Variants in KLRG1 observed in about 807,000 individuals in gnomAD.
KLRG1 encodes the protein killer cell lectin-like receptor subfamily G member 1.
A neutral mutation model predicts 21.8 loss-of-function variants in KLRG1; 16 were observed. That is an observed-to-expected ratio of 0.73 (90% confidence interval 0.50 to 1.11). The LOEUF is 1.11. Ranked by LOEUF, KLRG1 falls within the 50% of genes most tolerant of loss-of-function variation. The probability of loss-of-function intolerance (pLI) is 0.00; values close to 1 mark genes in which losing one functional copy is unlikely to be tolerated. For missense variants in KLRG1, 173 were observed against 218.3 expected, an observed-to-expected ratio of 0.79 and a Z score of 1.31; for synonymous variants, 69 against 75.9, an observed-to-expected ratio of 0.91 and a Z score of 0.47.
the KLRG1 span, chr12:9,072,232 A>G: frequency 1.8e-6 from 2 of 1,098,240 alleles, no homozygotes; most frequent in Non-Finnish European, 2.6e-6. Flanking sequence ...TCAACTTAAG[A>G]GAATACATTG....
chr12:9,115,704 A>T, the KLRG1 span: 2 of 1,296,376 alleles, frequency 1.5e-6, no homozygotes, highest in Non-Finnish European at 2.2e-6. Flanking sequence ...ATATAAAGAA[A>T]AATCTGCAAT....
the KLRG1 span, chr12:9,037,322 AAAG>A: frequency 6.5e-6 from 1 of 152,724 alleles, no homozygotes; most frequent in Admixed American, 6.5e-5. Flanking sequence ...CTCTTCCCAC[AAAG>A]AAGGTGATCA....
the KLRG1 span, among the ~76,000 whole-genome samples, chr12:9,119,196 T>C: frequency 6.6e-6 from 1 of 152,360 alleles, no homozygotes; most frequent in South Asian, 2.1e-4. Flanking sequence ...AATTTTATAA[T>C]GTATTGATTC....
chr12:9,108,713 C>A, the KLRG1 span, among the ~76,000 whole-genome samples: 1 of 152,104 alleles, frequency 6.6e-6, no homozygotes, highest in Admixed American at 6.6e-5. Flanking sequence ...AACATAAGAT[C>A]CAGGAAACAA....
chr12:9,201,144 T>C, the KLRG1 span: 1 of 1,514,244 alleles, frequency 6.6e-7, no homozygotes, highest in South Asian at 1.2e-5. Context: ...AGGTGATAAT[T>C]AGCATTGCCT....
At chr12:8,997,803 T>C (rs1355745119) in intron 3 of KLRG1, among the ~76,000 whole-genome samples, 1 of 152,110 alleles carries the variant, frequency 6.6e-6, no homozygotes, top group African/African-American at 2.4e-5. Flanking sequence ...TTTTTCTTTT[T>C]GAGATGGAGT....
chr12:8,972,996 C>T (rs1202922889), intron 1 of KLRG1, among the ~76,000 whole-genome samples: 2 of 151,540 alleles, frequency 1.3e-5, no homozygotes, highest in African/African-American at 2.4e-5. Context: ...AAAAAGTTAG[C>T]CGGGCATGGT....
At chr12:9,157,983 T>G in the KLRG1 span, 1 of 747,334 alleles carries the variant, frequency 1.3e-6, no homozygotes. Context: ...CGACAGGTTC[T>G]TGCTCTGTAG....
chr12:9,090,527 G>C, the KLRG1 span: 3 of 1,598,906 alleles, frequency 1.9e-6, no homozygotes, highest in South Asian at 3.3e-5. Flanking sequence ...AAGGAGAACA[G>C]AGGGAGAATG....
At chr12:9,124,534 A>G in the KLRG1 span, among the ~76,000 whole-genome samples, 3 of 152,202 alleles carry the variant, frequency 2.0e-5, no homozygotes, top group Non-Finnish European at 4.4e-5. Context: ...ACTGAGCCAG[A>G]GAGAGCCCGG....
chr12:9,024,923 A>G, the KLRG1 span, among the ~76,000 whole-genome samples: 81 of 152,344 alleles, frequency 5.3e-4, 2 homozygotes, highest in African/African-American at 1.9e-3. Flanking sequence ...AAGGAAGTAA[A>G]GAAGAGGGAA....
At chr12:8,961,784 C>T (rs1038460376) in intron 1 of KLRG1, among the ~76,000 whole-genome samples, 3 of 152,102 alleles carry the variant, frequency 2.0e-5, no homozygotes, top group African/African-American at 7.2e-5. Context: ...GTCTGGCATC[C>T]AGGTAAAAAT....
At chr12:9,130,763 T>G in the KLRG1 span, among the ~76,000 whole-genome samples, 2 of 152,272 alleles carry the variant, frequency 1.3e-5, no homozygotes, top group South Asian at 4.1e-4. Flanking sequence ...CTTCACTCTT[T>G]TGATTGTGTC....
the KLRG1 span, among the ~76,000 whole-genome samples, chr12:9,157,508 G>C: frequency 6.6e-6 from 1 of 152,130 alleles, no homozygotes; most frequent in Admixed American, 6.5e-5. Context: ...AAAATATTTC[G>C]ATCTCTTCCC....
At chr12:9,177,317 G>C in the KLRG1 span, among the ~76,000 whole-genome samples, 1 of 152,202 alleles carries the variant, frequency 6.6e-6, no homozygotes, top group Admixed American at 6.5e-5. Flanking sequence ...TGTGTGGTGA[G>C]GAACTGAGGC....
chr12:9,109,306 A>C, the KLRG1 span: 1 of 1,594,902 alleles, frequency 6.3e-7, no homozygotes, highest in Non-Finnish European at 8.6e-7. Context: ...AAAGATTTTT[A>C]AAAAATGAAC....
chr12:8,953,679 C>A (rs1048708458), intron 1 of KLRG1, among the ~76,000 whole-genome samples: 1 of 151,978 alleles, frequency 6.6e-6, no homozygotes, highest in South Asian at 2.1e-4. Flanking sequence ...GGAAGTGATA[C>A]GTTTTTATAT....
At chr12:9,053,709 C>T in the KLRG1 span, among the ~76,000 whole-genome samples, 1 of 152,180 alleles carries the variant, frequency 6.6e-6, no homozygotes, top group Non-Finnish European at 1.5e-5. Context: ...TTGTTTGCTG[C>T]CTGTTGCCCT....
At chr12:9,015,607 CAG>C (rs763728634), downstream of KLRG1, among the ~76,000 whole-genome samples, 89 of 152,262 alleles carry the variant, frequency 5.8e-4, no homozygotes, top group African/African-American at 2.1e-3. Flanking sequence ...ATCATCCAGA[CAG>C]AACATCAACA....
Sources: gnomAD v4.1 joint callset for allele counts (sites outside exome capture counted in the v4.1 genomes callset) on GRCh38, gnomAD v4.1.1 for gene constraint, MANE v1.5 for transcripts, NCBI Gene and HGNC (gene_info 2026-07-23, HGNC 2026-07-21) for gene names.